The following CALCRL variants were observed in gnomAD, a reference collection of about 807,000 sequenced individuals.
CALCRL encodes the protein calcitonin receptor like receptor.
In CALCRL, 27 loss-of-function variants were observed where a neutral mutation model predicts 60.4. The ratio of observed to expected loss-of-function variants is 0.45; its 90% CI spans 0.33 to 0.62. The LOEUF is 0.62. Ranked by LOEUF, CALCRL falls within the 20% of genes least tolerant of loss-of-function variation. The probability of loss-of-function intolerance (pLI) is 0.03; values close to 1 mark genes in which losing one functional copy is unlikely to be tolerated. For synonymous variants in CALCRL, 190 were observed against 182.6 expected, an observed-to-expected ratio of 1.04 and a Z score of -0.33; for missense variants, 424 against 540.7, an observed-to-expected ratio of 0.78 and a Z score of 2.14.
intron 1 of CALCRL, among the ~76,000 whole-genome samples, chr2:187,442,702 A>G (rs10194247): frequency 0.33 from 50,493 of 151,734 alleles, 8,817 homozygotes; most frequent in African/African-American, 0.43. Flanking sequence ...CTGCTATAGT[A>G]ATCAAAACTA....
At chr2:187,366,167 C>G (rs1280644945) in intron 8 of CALCRL, among the ~76,000 whole-genome samples, 1 of 142,556 alleles carries the variant, frequency 7.0e-6, no homozygotes, top group Non-Finnish European at 1.5e-5. Flanking sequence ...GGCGTGAACC[C>G]GGGAAGCGGA....
At chr2:187,382,069 A>T (rs1688007018) in intron 5 of CALCRL, among the ~76,000 whole-genome samples, 1 of 152,204 alleles carries the variant, frequency 6.6e-6, no homozygotes, top group African/African-American at 2.4e-5. Context: ...TTTAGAAAGC[A>T]TCTCAGATAT....
intron 1 of CALCRL, among the ~76,000 whole-genome samples, chr2:187,432,924 G>A (rs975959063): frequency 3.3e-5 from 5 of 151,918 alleles, no homozygotes; most frequent in Non-Finnish European, 7.4e-5. Context: ...ATACAGATTC[G>A]CATTCTAGGA....
chr2:187,342,985 A>T lies in CALCRL; in HGVS notation c.*3199T>A, dbSNP rs200089928. The stretch of plus-strand genomic sequence containing the variant: ...TTTAAACAAAACTACAAAATGAAAT[A>T]TAGTAGATAAAGGAGATGAATTTCT... On this transcript the variant is annotated 3_prime_UTR_variant, in exon 15 of 15. Transcript: ENST00000392370. 6.6e-6 allele frequency: 1 copy of T among 151,730 alleles called. No homozygotes were observed. Among genetic ancestry groups the T allele is most frequent in the East Asian group, 1.9e-4 (1 of 5,186 alleles). 9.4% of individuals were successfully genotyped at this position (151,730 alleles called of 1,614,324 possible). A position where few individuals can be genotyped will look rare whatever the true frequency, so the allele number is the denominator to read the frequency against.
chr2:187,372,336 A>G (rs1441629681), intron 8 of CALCRL, among the ~76,000 whole-genome samples: 1 of 151,672 alleles, frequency 6.6e-6, no homozygotes, highest in Non-Finnish European at 1.5e-5. Flanking sequence ...TTTTTATCTA[A>G]AGGGTTCCAC....
chr2:187,406,995 T>C (rs1689165109), intron 1 of CALCRL, among the ~76,000 whole-genome samples: 1 of 152,074 alleles, frequency 6.6e-6, no homozygotes, highest in Non-Finnish European at 1.5e-5. Flanking sequence ...TCATAACTTC[T>C]TTAGTTTCGC....
At chr2:187,416,406 G>A (rs973614037) in intron 1 of CALCRL, among the ~76,000 whole-genome samples, 3 of 152,154 alleles carry the variant, frequency 2.0e-5, no homozygotes, top group African/African-American at 7.2e-5. Flanking sequence ...TAATTTCCCT[G>A]TTATCCTAGT....
At chr2:187,422,861 C>T (rs1689941493) in intron 1 of CALCRL, among the ~76,000 whole-genome samples, 1 of 151,828 alleles carries the variant, frequency 6.6e-6, no homozygotes, top group Non-Finnish European at 1.5e-5. Flanking sequence ...TCTTGCTTCT[C>T]AATTTTTAGT....
At chr2:187,361,771 A>G (rs1476629629) in intron 9 of CALCRL, among the ~76,000 whole-genome samples, 1 of 151,978 alleles carries the variant, frequency 6.6e-6, no homozygotes, top group Non-Finnish European at 1.5e-5. Context: ...ATGATTTGCT[A>G]ATATTTATAC....
intron 1 of CALCRL, among the ~76,000 whole-genome samples, chr2:187,443,915 T>C (rs193261028): frequency 2.2e-4 from 33 of 151,830 alleles, no homozygotes; most frequent in East Asian, 9.6e-4. Context: ...GAATGCGGGT[T>C]CAAATTAACA....
chr2:187,363,595 T>G (rs1473784709), intron 8 of CALCRL, 93 bp from the exon 9 acceptor site: 6 of 1,251,026 alleles, frequency 4.8e-6, no homozygotes, highest in Non-Finnish European at 6.4e-6. Flanking sequence ...TCATAGCAGC[T>G]GATCCACTTT....
chr2:187,382,409 CAATTA>C (rs915833828), intron 5 of CALCRL, among the ~76,000 whole-genome samples: 8 of 152,114 alleles, frequency 5.3e-5, no homozygotes, highest in African/African-American at 1.7e-4. Flanking sequence ...TATTGTTCAA[CAATTA>C]AATTTAAAAT....
intron 1 of CALCRL, among the ~76,000 whole-genome samples, chr2:187,403,277 A>T (rs771727468): frequency 2.6e-5 from 4 of 151,872 alleles, no homozygotes; most frequent in Non-Finnish European, 4.4e-5. Flanking sequence ...AAATTCAATC[A>T]TGGGTATCTG....
In CALCRL at chr2:187,442,091, TATATATATATATATACATAC is replaced by T. The variant is rs1272201913; in HGVS notation, c.-293+5928_-293+5947del. 9.9e-3 allele frequency: 1,082 copies of T among 109,326 alleles called. 17 individuals are homozygous for T. Among genetic ancestry groups the T allele is most frequent in the African/African-American group, 0.039 (1,010 of 26,098 alleles). The allele number at this position is 109,326 out of a possible 1,614,324, so 6.8% of individuals were successfully genotyped here. On this transcript the variant is annotated intron_variant, in intron 1 of 14. Coordinates refer to ENST00000392370, the MANE Select transcript of CALCRL (RefSeq NM_005795.6). Reference sequence around the variant, plus strand: ...AACATTATATATATATATATATATATATATATATATATATACATACACACACATATACATATACATACATA... The same window carrying T: ...AACATTATATATATATATATATATATACACACATATACATATACATACATA...
At chr2:187,352,082 C>T in intron 13 of CALCRL, 32 bp downstream of exon 13, 1 of 1,597,336 alleles carries the variant, frequency 6.3e-7, no homozygotes, top group Non-Finnish European at 8.6e-7. Context: ...TTCCAAACTT[C>T]TCAAGCTGCC....
chr2:187,432,698 TATTA>T (rs1690453662), intron 1 of CALCRL, among the ~76,000 whole-genome samples: 1 of 152,122 alleles, frequency 6.6e-6, no homozygotes, highest in African/African-American at 2.4e-5. Context: ...CATGTGGTCA[TATTA>T]ATTAGATGTG....
At position 187,435,865 on chromosome 2, in the gene CALCRL, C is replaced by CGTGTGTGTGT. The variant is rs5837037; in HGVS notation, c.-293+12173_-293+12174insACACACACAC. 4.2e-3 allele frequency among the ~76,000 whole-genome samples: 623 copies of CGTGTGTGTGT among 148,420 alleles called. 6 individuals carry two copies. The highest frequency in any genetic ancestry group is 5.8e-3 in the African/African-American group (235 of 40,288). On this transcript the variant is annotated intron_variant, in intron 1 of 14. Transcript: ENST00000392370. ...TTGAATCAAGGTGTGTGTGTTTGTG[C>CGTGTGTGTGT]GTGCGTGTGTGTGTGTGTGTGTGTG... is the stretch of plus-strand genomic sequence containing the variant.
intron 1 of CALCRL, among the ~76,000 whole-genome samples, chr2:187,412,497 A>G (rs1359003653): frequency 6.6e-6 from 1 of 152,178 alleles, no homozygotes; most frequent in African/African-American, 2.4e-5. Context: ...TTTAAGCGAA[A>G]TGATTTCTGT....
At chr2:187,438,676 C>T (rs1559080239) in intron 1 of CALCRL, among the ~76,000 whole-genome samples, 2 of 151,958 alleles carry the variant, frequency 1.3e-5, no homozygotes, top group Admixed American at 6.6e-5. Context: ...CCAGTTTTAG[C>T]CATTGTGTGG....
Sources: allele counts gnomAD v4.1 joint callset (sites outside exome capture counted in the v4.1 genomes callset), GRCh38; gene constraint gnomAD v4.1.1; transcripts MANE v1.5; gene names NCBI Gene and HGNC (gene_info 2026-07-23, HGNC 2026-07-21).